Variants in PAG1 observed in about 807,000 individuals in gnomAD.
The protein encoded by PAG1 is phosphoprotein membrane anchor with glycosphingolipid microdomains 1.
In PAG1, 23 loss-of-function variants were observed where a neutral mutation model predicts 31.7. The ratio of observed to expected loss-of-function variants is 0.73; its 90% CI spans 0.52 to 1.03. The LOEUF (loss-of-function observed/expected upper bound fraction) is 1.03, where lower values mean the gene tolerates loss of function less well. PAG1 is among the 50% of genes least tolerant of loss of function. The pLI, the probability that PAG1 is intolerant of heterozygous loss-of-function variation, is 0.00. For missense variants in PAG1, 473 were observed against 540.7 expected, an observed-to-expected ratio of 0.87 and a Z score of 1.24; for synonymous variants, 214 against 210.3, an observed-to-expected ratio of 1.02 and a Z score of -0.15.
rs913796502 is a variant in PAG1 at position 80,973,820 on chromosome 8, C to T, written c.*2724G>A. On this transcript the variant is annotated 3_prime_UTR_variant, in exon 9 of 9. Transcript: ENST00000220597. The stretch of plus-strand genomic sequence containing the variant: ...CTGTACAGTCAAAACAGTGATGGTG[C>T]CTCAGTAAATAACTTCAGTAAAATA... The T allele has an allele frequency of 1.1e-5, 1 of 90,548 alleles. No individual in the cohort carries two copies. Among genetic ancestry groups the T allele is most frequent in the African/African-American group, 4.4e-5 (1 of 22,804 alleles). The allele number at this position is 90,548 out of a possible 1,614,324, so 5.6% of individuals were successfully genotyped here.
chr8:81,032,912 T>C (rs1808399829), intron 2 of PAG1, among the ~76,000 whole-genome samples: 2 of 152,204 alleles, frequency 1.3e-5, no homozygotes, highest in African/African-American at 4.8e-5. Context: ...TACTGGTACA[T>C]GTTACAACAT....
intron 1 of PAG1, among the ~76,000 whole-genome samples, chr8:81,071,419 G>C: frequency 6.6e-6 from 1 of 152,164 alleles, no homozygotes; most frequent in East Asian, 1.9e-4. Context: ...CTTTTGCTGG[G>C]AAATCCCACA....
intron 1 of PAG1, among the ~76,000 whole-genome samples, chr8:81,077,389 C>G (rs1419497324): frequency 2.0e-5 from 3 of 152,184 alleles, no homozygotes; most frequent in Non-Finnish European, 4.4e-5. Context: ...CAGGAGTACT[C>G]CTCCTTGCAT....
At position 80,980,440 on chromosome 8, in the gene PAG1, C is replaced by A; in HGVS notation, c.931G>T (p.Glu311Ter). The change falls in exon 8 of 9, where the codon GAA becomes TAA. Residue 311 changes from glutamate to a stop codon, truncating the protein, a stop_gained. Transcript: ENST00000220597. LOFTEE classifies it low-confidence loss of function (END_TRUNC). ...TAAAAAGAAACAAAACTTACCTCTT[C>A]TTCTGTGAGAGTGGGGTCTTCTTCC... ...SREEDPTLTEEEISAMYSSVN... is the reference protein window; with the variant it reads ...SREEDPTLTE The A allele has an allele frequency of 6.3e-7, 1 of 1,588,306 alleles. No homozygotes were observed. Among genetic ancestry groups the A allele is most frequent in the Non-Finnish European group, 8.6e-7 (1 of 1,156,774 alleles).
At chr8:81,082,245 T>A (rs1809279547) in intron 1 of PAG1, among the ~76,000 whole-genome samples, 1 of 119,886 alleles carries the variant, frequency 8.3e-6, no homozygotes, top group African/African-American at 3.6e-5. Flanking sequence ...AGAGTGAGAC[T>A]CTGTCTCAAA....
chr8:81,085,417 T>G (rs1809334674), intron 1 of PAG1, among the ~76,000 whole-genome samples: 1 of 152,118 alleles, frequency 6.6e-6, no homozygotes, highest in African/African-American at 2.4e-5. Flanking sequence ...CACAAAAAAT[T>G]AAATAACTCA....
intron 1 of PAG1, among the ~76,000 whole-genome samples, chr8:81,102,221 T>G (rs1809620867): frequency 6.6e-6 from 1 of 152,202 alleles, no homozygotes; most frequent in Non-Finnish European, 1.5e-5. Context: ...ATGCCTATAT[T>G]GTAATTTTTC....
chr8:81,095,317 C>T (rs2131084837), intron 1 of PAG1, among the ~76,000 whole-genome samples: 1 of 152,268 alleles, frequency 6.6e-6, no homozygotes, highest in East Asian at 1.9e-4. Context: ...TTTTGAGTTC[C>T]CAGCATTGCT....
At position 80,970,513 on chromosome 8, in the gene PAG1, C is replaced by G. The variant is rs1332467088; in HGVS notation, c.*6031G>C. ...ATGGGTCTGGTGTTGTCATAAGGATCTACCTTCCACATGCTGGACAGTGGG... is the reference window on the plus strand; with the variant it reads ...ATGGGTCTGGTGTTGTCATAAGGATGTACCTTCCACATGCTGGACAGTGGG... On this transcript the variant is annotated 3_prime_UTR_variant, in exon 9 of 9. Transcript: ENST00000220597. The G allele has an allele frequency of 1.3e-5, 2 of 152,716 alleles. No homozygotes were observed. Among genetic ancestry groups the G allele is most frequent in the Non-Finnish European group, 2.9e-5 (2 of 68,098 alleles). 9.5% of individuals were successfully genotyped at this position (152,716 alleles called of 1,614,324 possible).
intron 2 of PAG1, among the ~76,000 whole-genome samples, chr8:81,067,052 C>T (rs1431947651): frequency 6.6e-6 from 1 of 152,140 alleles, no homozygotes; most frequent in Non-Finnish European, 1.5e-5. Flanking sequence ...TTCCTAGCTA[C>T]CTGGAAGGCT....
chr8:81,024,792 T>C (rs550563731), intron 3 of PAG1, among the ~76,000 whole-genome samples: 43 of 152,350 alleles, frequency 2.8e-4, no homozygotes, highest in Admixed American at 1.0e-3. Flanking sequence ...AATTTGGTTC[T>C]ATCATATTAA....
At chr8:81,078,727 T>C (rs1809216925) in intron 1 of PAG1, among the ~76,000 whole-genome samples, 2 of 152,182 alleles carry the variant, frequency 1.3e-5, no homozygotes, top group South Asian at 2.1e-4. Context: ...AGAAAAATTG[T>C]CCAGTGCAGA....
chr8:80,988,120 T>A (rs761677668), intron 5 of PAG1, among the ~76,000 whole-genome samples: 25 of 152,028 alleles, frequency 1.6e-4, no homozygotes, highest in Non-Finnish European at 3.2e-4. Flanking sequence ...CAAAGCCATG[T>A]GCAGAGCTTC....
intron 1 of PAG1, among the ~76,000 whole-genome samples, chr8:81,106,415 C>G (rs1326663926): frequency 6.6e-6 from 1 of 151,982 alleles, no homozygotes; most frequent in Admixed American, 6.6e-5. Context: ...ATAAGGTTCA[C>G]AGGATTTCAG....
At chr8:81,031,360 G>C (rs771471014) in intron 2 of PAG1, among the ~76,000 whole-genome samples, 1 of 152,184 alleles carries the variant, frequency 6.6e-6, no homozygotes, top group Non-Finnish European at 1.5e-5. Context: ...ACAGAGCTTC[G>C]CTGGGTGCAG....
In PAG1 at chr8:81,002,580, C is replaced by T. The variant is rs370769357; in HGVS notation, c.-80-9273G>A. ...TGTGAGCTAGTGCCAAATTAGAGAA[C>T]GCGTCCTGTGGTCTCTCCCACACCA... On this transcript the variant is annotated intron_variant, in intron 3 of 8. Transcript: ENST00000220597. Among the ~76,000 whole-genome samples, 7 of 152,302 alleles carry T rather than the reference C, an allele frequency of 4.6e-5. No homozygotes were observed. In the East Asian group the frequency reaches 1.3e-3, roughly 29 times the overall value.
Position 80,976,730 on chromosome 8 carries a change from G to A in PAG1, c.1113C>T (p.Ser371=), listed in dbSNP as rs1482643674. ...TVKDFEKTPN[S]TLPPAGRPSE... ...TGGGCCTCCCTGCTGGTGGAAGTGT[G>A]CTGTTTGGAGTTTTTTCGAAGTCTT... Residue 371 remains serine, a synonymous_variant, in exon 9 of 9, where the codon AGC becomes AGT. Coordinates refer to ENST00000220597, the MANE Select transcript of PAG1 (RefSeq NM_018440.4). The A allele has an allele frequency of 9.3e-6, 15 of 1,613,960 alleles. No homozygotes were observed. Among genetic ancestry groups the A allele is most frequent in the Non-Finnish European group, 1.3e-5 (15 of 1,179,950 alleles).
intron 3 of PAG1, among the ~76,000 whole-genome samples, chr8:80,996,252 CTCT>C (rs1807670633): frequency 6.6e-6 from 1 of 152,206 alleles, no homozygotes; most frequent in Non-Finnish European, 1.5e-5. Context: ...CTGCCACCTA[CTCT>C]TCTTTAGGGG....
At chr8:80,980,577 G>T in intron 7 of PAG1, 83 bp from the exon 8 acceptor site, 2 of 844,410 alleles carry the variant, frequency 2.4e-6, no homozygotes, top group Non-Finnish European at 2.0e-6. Flanking sequence ...CTCATAATCT[G>T]TCTAGCAACG....
Sources: gnomAD v4.1 joint callset for allele counts (sites outside exome capture counted in the v4.1 genomes callset) on GRCh38, gnomAD v4.1.1 for gene constraint, MANE v1.5 for transcripts, NCBI Gene and HGNC (gene_info 2026-07-23, HGNC 2026-07-21) for gene names.